PUS7: variants seen among roughly 807,000 people sequenced by gnomAD.
PUS7 encodes pseudouridylate synthase 7 homolog.
Under a neutral mutation model 79.8 loss-of-function variants are expected in PUS7, and 48 were observed. The observed-to-expected ratio is 0.60, with a 90% confidence interval of 0.48 to 0.76. PUS7 has a LOEUF of 0.76. Among genes scored for constraint, PUS7 ranks in the 30% least tolerant of loss-of-function variants. The pLI, the probability that PUS7 is intolerant of heterozygous loss-of-function variation, is 0.00. For missense variants in PUS7, 729 were observed against 797.6 expected (o/e 0.91, Z 1.04); for synonymous variants, 286 against 272.2 (o/e 1.05, Z -0.50).
In PUS7 at chr7:105,494,565, A is replaced by G. The variant is rs147934738; in HGVS notation, c.842+577T>C. The stretch of plus-strand genomic sequence containing the variant: ...GCTAACACTACAGGCACATGCCACC[A>G]TGCCCAGCTAATTTTTGTATTTTTA... On this transcript the variant is annotated intron_variant, in intron 6 of 15. Transcript: ENST00000469408. Among the ~76,000 whole-genome samples, 1,138 of 152,148 alleles carry G rather than the reference A, an allele frequency of 7.5e-3. 44 individuals are homozygous for G. Among genetic ancestry groups the G allele is most frequent in the Admixed American group, 0.056 (854 of 15,278 alleles).
chr7:105,521,500 TG>T (rs1220557068), intron 1 of PUS7, among the ~76,000 whole-genome samples: 1 of 152,134 alleles, frequency 6.6e-6, no homozygotes, highest in Non-Finnish European at 1.5e-5. Context: ...ACTCCTACTC[TG>T]GGAAATGCAT....
At position 105,506,173 on chromosome 7, in the gene PUS7, AAAG is replaced by A; in HGVS notation, c.483+13_483+15del. The A allele has an allele frequency of 6.3e-7, 1 of 1,598,642 alleles. No individual in the cohort carries two copies. Among genetic ancestry groups the A allele is most frequent in the Non-Finnish European group, 8.5e-7 (1 of 1,170,354 alleles). ...TTTTATACAGAAGGTGACATTTGCTAAAGAGCTACTTCTACCTCCTCATCCACT... is the reference window on the plus strand; with the variant it reads ...TTTTATACAGAAGGTGACATTTGCTAAGCTACTTCTACCTCCTCATCCACT... On this transcript the variant is annotated intron_variant, in intron 3 of 15. Coordinates refer to ENST00000469408, the MANE Select transcript of PUS7 (RefSeq NM_019042.5).
At chr7:105,458,218 A>G (rs1263297734) in intron 15 of PUS7, among the ~76,000 whole-genome samples, 1 of 152,184 alleles carries the variant, frequency 6.6e-6, no homozygotes, top group African/African-American at 2.4e-5. Context: ...GGCCTGGGAA[A>G]AAACAGAACA....
chr7:105,465,502 G>A (rs1349150662), intron 12 of PUS7, 88 bp from the exon 13 acceptor site: 18 of 977,852 alleles, frequency 1.8e-5, no homozygotes, highest in Non-Finnish European at 2.6e-5. Flanking sequence ...ATCTAAGCAA[G>A]TCAGAAGTAC....
chr7:105,468,275 C>A (rs1823737817), intron 12 of PUS7, 62 bp downstream of exon 12: 1 of 1,572,842 alleles, frequency 6.4e-7, no homozygotes, highest in Admixed American at 1.9e-5. Flanking sequence ...GATTTTAAAG[C>A]CACTAGTGGC....
At chr7:105,512,675 C>T (rs562719650) in intron 1 of PUS7, among the ~76,000 whole-genome samples, 8 of 152,146 alleles carry the variant, frequency 5.3e-5, no homozygotes, top group East Asian at 3.9e-4. Context: ...TTGGGAGGGG[C>T]GGAGGCCACA....
Position 105,483,919 on chromosome 7 carries a change from G to T in PUS7, c.921-1479C>A, listed in dbSNP as rs556166641. On this transcript the variant is annotated intron_variant, in intron 7 of 15. Coordinates refer to ENST00000469408, the MANE Select transcript of PUS7 (RefSeq NM_019042.5). ...TTTTCATGATATCTGGCCCTTAGAA[G>T]AATCCAGGCCAGCGCTTTTACACGT... Among the ~76,000 whole-genome samples, 80 of 152,306 alleles carry T rather than the reference G, an allele frequency of 5.3e-4. No homozygotes were observed. In the Middle Eastern group the frequency reaches 0.017, roughly 32 times the overall value.
At chr7:105,481,437 T>C (rs115671105) in intron 8 of PUS7, among the ~76,000 whole-genome samples, 2,367 of 152,326 alleles carry the variant, frequency 0.016, 28 homozygotes, top group Non-Finnish European at 0.02. Flanking sequence ...TTTGAATTTT[T>C]GCAATCAGAC....
intron 14 of PUS7, among the ~76,000 whole-genome samples, chr7:105,459,935 C>A (rs750443867): frequency 6.6e-6 from 1 of 151,860 alleles, no homozygotes. Flanking sequence ...TAAAAATGTA[C>A]AACTGACAAA....
intron 5 of PUS7, among the ~76,000 whole-genome samples, chr7:105,501,604 T>A (rs1400292056): frequency 6.6e-6 from 1 of 152,074 alleles, no homozygotes; most frequent in Non-Finnish European, 1.5e-5. Flanking sequence ...GAAGATACAG[T>A]TGGAAAGCAA....
intron 5 of PUS7, among the ~76,000 whole-genome samples, chr7:105,498,942 T>G (rs916235891): frequency 1.8e-4 from 27 of 152,176 alleles, no homozygotes; most frequent in African/African-American, 6.5e-4. Flanking sequence ...TTGTCTCCCT[T>G]GCATATATAA....
intron 14 of PUS7, among the ~76,000 whole-genome samples, chr7:105,459,943 A>C (rs1823348113): frequency 6.6e-6 from 1 of 151,612 alleles, no homozygotes; most frequent in South Asian, 2.1e-4. Context: ...TACAACTGAC[A>C]AATCTTTTTT....
intron 12 of PUS7, among the ~76,000 whole-genome samples, chr7:105,467,824 T>A (rs1009482997): frequency 2.6e-5 from 4 of 151,370 alleles, no homozygotes; most frequent in Non-Finnish European, 5.9e-5. Flanking sequence ...AGGTGGGGAG[T>A]TCGAGATCGA....
At chr7:105,510,485 A>G (rs1488662114) in intron 1 of PUS7, among the ~76,000 whole-genome samples, 1 of 152,014 alleles carries the variant, frequency 6.6e-6, no homozygotes, top group African/African-American at 2.4e-5. Flanking sequence ...ACTTAACTCT[A>G]CTGAACTGTA....
At chr7:105,462,290 G>A in intron 14 of PUS7, 1 of 227,182 alleles carries the variant, frequency 4.4e-6, no homozygotes, top group Non-Finnish European at 8.5e-6. Context: ...AAATTATCCA[G>A]GTGTGGTGGC....
At chr7:105,464,146 A>C (rs1394160487) in intron 13 of PUS7, among the ~76,000 whole-genome samples, 1 of 152,214 alleles carries the variant, frequency 6.6e-6, no homozygotes, top group African/African-American at 2.4e-5. Flanking sequence ...TTTATGTTCT[A>C]ATTGGTACTG....
chr7:105,461,085 T>C (rs1823408280), intron 14 of PUS7, among the ~76,000 whole-genome samples: 1 of 152,148 alleles, frequency 6.6e-6, no homozygotes, highest in Non-Finnish European at 1.5e-5. Flanking sequence ...GAGGCAGGTC[T>C]CAAGCTCCTA....
intron 1 of PUS7, among the ~76,000 whole-genome samples, chr7:105,517,176 C>T (rs1023068223): frequency 7.8e-5 from 9 of 114,768 alleles, no homozygotes; most frequent in East Asian, 2.0e-4. Context: ...CTTTTTTTGG[C>T]GATGGAGTCT....
At position 105,470,672 on chromosome 7, in the gene PUS7, C is replaced by G; in HGVS notation, c.1398+16G>C. 2 of 1,547,230 alleles carry G rather than the reference C, an allele frequency of 1.3e-6. No homozygotes were observed. Among genetic ancestry groups the G allele is most frequent in the Non-Finnish European group, 1.8e-6 (2 of 1,142,150 alleles). ...AACGCCTTGAGCCATTGCCTGACTTCACAAATTGCACTCACTATGCCAAAT... is the reference window on the plus strand; with the variant it reads ...AACGCCTTGAGCCATTGCCTGACTTGACAAATTGCACTCACTATGCCAAAT... On this transcript the variant is annotated intron_variant, in intron 11 of 15. Coordinates refer to ENST00000469408, the MANE Select transcript of PUS7 (RefSeq NM_019042.5).
Sources: allele counts gnomAD v4.1 joint callset (sites outside exome capture counted in the v4.1 genomes callset), GRCh38; gene constraint gnomAD v4.1.1; transcripts MANE v1.5; gene names NCBI Gene and HGNC (gene_info 2026-07-23, HGNC 2026-07-21).